MLLT10: variants seen among roughly 807,000 people sequenced by gnomAD.
The protein encoded by MLLT10 is protein AF-10.
Under a neutral mutation model 129.1 loss-of-function variants are expected in MLLT10, and 30 were observed. The ratio of observed to expected loss-of-function variants is 0.23; its 90% CI spans 0.17 to 0.32. The LOEUF (loss-of-function observed/expected upper bound fraction) is 0.32. Among genes scored for constraint, MLLT10 ranks in the 10% least tolerant of loss-of-function variants. MLLT10 has a pLI of 1.00. For synonymous variants in MLLT10, 490 were observed against 446.4 expected (o/e 1.10, Z -1.23); for missense variants, 1,119 against 1,268.3 (o/e 0.88, Z 1.79).
At chr10:21,626,039 T>C (rs2046396715) in intron 8 of MLLT10, 6 of 1,329,026 alleles carry the variant, frequency 4.5e-6, no homozygotes, top group Non-Finnish European at 5.4e-6. Flanking sequence ...CAGAGTATAA[T>C]CATTTCTCTC....
At chr10:21,586,885 CA>C (rs879322427) in intron 4 of MLLT10, among the ~76,000 whole-genome samples, 79 of 131,076 alleles carry the variant, frequency 6.0e-4, no homozygotes, top group Admixed American at 8.4e-4. Context: ...AGACTGTCTC[CA>C]AAAAAAAAAA....
At position 21,573,462 on chromosome 10, in the gene MLLT10, GA is replaced by G. The variant is rs569035344; in HGVS notation, c.241-12831del. Among the ~76,000 whole-genome samples, 28 of 152,264 alleles carry G rather than the reference GA, an allele frequency of 1.8e-4. No homozygotes were observed. In the East Asian group the frequency reaches 5.2e-3, roughly 28 times the overall value. On this transcript the variant is annotated intron_variant, in intron 3 of 22. Transcript: ENST00000307729. Reference sequence around the variant, plus strand: ...TTCCTGAGGGTTTGTGTCATGAATGGATATTGAGTTTTCTCAAAAGCTTTTT... The same window carrying G: ...TTCCTGAGGGTTTGTGTCATGAATGGTATTGAGTTTTCTCAAAAGCTTTTT...
chr10:21,613,391 G>T (rs2044868220), intron 6 of MLLT10, among the ~76,000 whole-genome samples: 1 of 152,084 alleles, frequency 6.6e-6, no homozygotes, highest in Non-Finnish European at 1.5e-5. Flanking sequence ...TGAGTTTTTA[G>T]TGTGTAGTTA....
intron 13 of MLLT10, among the ~76,000 whole-genome samples, chr10:21,712,787 T>C (rs1358509898): frequency 6.6e-6 from 1 of 152,256 alleles, no homozygotes; most frequent in Non-Finnish European, 1.5e-5. Flanking sequence ...TCTCCAGGTA[T>C]TGTGAAATGT....
intron 5 of MLLT10, among the ~76,000 whole-genome samples, chr10:21,601,805 G>T (rs374192701): frequency 8.5e-5 from 13 of 152,270 alleles, no homozygotes; most frequent in East Asian, 7.7e-4. Context: ...CTCCCAAAAT[G>T]CTGGGATTAC....
rs757374887 is a variant in MLLT10 at position 21,742,019 on chromosome 10, G to A, written c.*36G>A. Reference sequence around the variant, plus strand: ...ACATCTAGAAATTGCCTATCCTGCTGTTCTAGCACTTCATCTGGCTGCCTT... The same window carrying A: ...ACATCTAGAAATTGCCTATCCTGCTATTCTAGCACTTCATCTGGCTGCCTT... On this transcript the variant is annotated 3_prime_UTR_variant, in exon 23 of 23. Coordinates refer to ENST00000307729, the MANE Select transcript of MLLT10 (RefSeq NM_001195626.3). The A allele has an allele frequency of 4.6e-5, 74 of 1,600,168 alleles. No homozygotes were observed. Among genetic ancestry groups the A allele is most frequent in the Non-Finnish European group, 6.1e-5 (72 of 1,172,064 alleles).
At chr10:21,624,440 G>GTA (rs61129347) in intron 8 of MLLT10, among the ~76,000 whole-genome samples, 46,801 of 151,928 alleles carry the variant, frequency 0.31, 7,514 homozygotes, top group Middle Eastern at 0.48. Context: ...AAAGGCCTGA[G>GTA]TATATACACA....
At position 21,599,016 on chromosome 10, in the gene MLLT10, A is replaced by G. The variant is rs181729711; in HGVS notation, c.405+3576A>G. Among the ~76,000 whole-genome samples the G allele has an allele frequency of 1.0e-3, 157 of 151,998 alleles. No individual in the cohort carries two copies. In the South Asian group the frequency reaches 0.015, roughly 14 times the overall value. On this transcript the variant is annotated intron_variant, in intron 5 of 22. Coordinates refer to ENST00000307729, the MANE Select transcript of MLLT10 (RefSeq NM_001195626.3). ...AAGATGGCGAAACCCCGTCTCTACTAAAAAATACAAAAATTAGCCGGGTGT... is the reference window on the plus strand; with the variant it reads ...AAGATGGCGAAACCCCGTCTCTACTGAAAAATACAAAAATTAGCCGGGTGT...
intron 8 of MLLT10, among the ~76,000 whole-genome samples, chr10:21,637,674 C>T (rs1413375180): frequency 6.6e-6 from 1 of 152,090 alleles, no homozygotes; most frequent in African/African-American, 2.4e-5. Flanking sequence ...TTTAGGTCAC[C>T]CCTCTGGGAA....
Position 21,713,856 on chromosome 10 carries a change from A to G in MLLT10, c.1784A>G (p.His595Arg). The G allele has an allele frequency of 1.2e-6, 2 of 1,614,064 alleles. No homozygotes were observed. Among genetic ancestry groups the G allele is most frequent in the Non-Finnish European group, 1.7e-6 (2 of 1,179,986 alleles). Residue 595 changes from histidine to arginine, a missense_variant, in exon 14 of 23, where the codon CAC becomes CGC. Around this residue, in one of 5 missense-constraint regions of MLLT10, gnomAD observed 1,004 missense variants for 1,008.7 expected, o/e 1.00. Transcript: ENST00000307729. ...SGSSTPVSSS[H>R]LPQQSSGHLQ... ...TCTAGTACTCCTGTCTCCAGCTCTC[A>G]CTTACCTCAGCAGTCTTCTGGGCAT...
At chr10:21,600,245 A>G (rs986022956) in intron 5 of MLLT10, among the ~76,000 whole-genome samples, 86 of 152,206 alleles carry the variant, frequency 5.7e-4, no homozygotes, top group African/African-American at 2.0e-3. Context: ...ATTATCATGT[A>G]TTTATTTTTC....
intron 8 of MLLT10, among the ~76,000 whole-genome samples, chr10:21,650,910 T>C (rs1395015750): frequency 1.3e-5 from 2 of 152,196 alleles, no homozygotes; most frequent in Non-Finnish European, 1.5e-5. Flanking sequence ...TGCTGGAGTT[T>C]CTGTGCCTCT....
chr10:21,562,810 T>TG lies in MLLT10; in HGVS notation c.241-23484_241-23483insG, dbSNP rs1564416022. On this transcript the variant is annotated intron_variant, in intron 3 of 22. Transcript: ENST00000307729. ...TCATTGCTGACTTACATATACTTTG[T>TG]TTTTTTTGTTTTTTTTTTTTTTTTT... 5.4e-5 allele frequency among the ~76,000 whole-genome samples: 6 copies of TG among 111,920 alleles called. No homozygotes were observed. In the East Asian group the frequency reaches 8.5e-4, roughly 16 times the overall value. The allele number at this position is 111,920 out of a possible 152,430, so 73.4% of individuals were successfully genotyped here. A position where few individuals can be genotyped will look rare whatever the true frequency, so the allele number is the denominator to read the frequency against.
chr10:21,596,439 T>G (rs994696026), intron 5 of MLLT10, among the ~76,000 whole-genome samples: 2 of 152,194 alleles, frequency 1.3e-5, no homozygotes, highest in African/African-American at 2.4e-5. Context: ...GGGCCTAGTT[T>G]GGTGTCTGGC....
intron 8 of MLLT10, among the ~76,000 whole-genome samples, chr10:21,628,646 C>T (rs1307104582): frequency 3.3e-5 from 5 of 150,546 alleles, no homozygotes; most frequent in African/African-American, 7.3e-5. Flanking sequence ...TTTGCCATGT[C>T]GGTCAGGCTG....
At chr10:21,703,256 A>C (rs532984408) in intron 13 of MLLT10, among the ~76,000 whole-genome samples, 24 of 149,916 alleles carry the variant, frequency 1.6e-4, no homozygotes, top group African/African-American at 5.4e-4. Context: ...ATGAAGGATA[A>C]TTTTGCTGTA....
chr10:21,559,170 G>A (rs1368030393), intron 3 of MLLT10, among the ~76,000 whole-genome samples: 2 of 152,110 alleles, frequency 1.3e-5, no homozygotes, highest in Admixed American at 6.6e-5. Context: ...TGCAGCCTCC[G>A]ACTCCTGGAT....
intron 3 of MLLT10, among the ~76,000 whole-genome samples, chr10:21,573,443 A>AAT: frequency 6.6e-6 from 1 of 152,254 alleles, no homozygotes; most frequent in South Asian, 2.1e-4. Context: ...TAGCTTCCTG[A>AAT]GGGTTTGTGT....
At chr10:21,707,604 C>T (rs575198499) in intron 13 of MLLT10, among the ~76,000 whole-genome samples, 1 of 152,160 alleles carries the variant, frequency 6.6e-6, no homozygotes, top group African/African-American at 2.4e-5. Flanking sequence ...GAAATAGCCT[C>T]CTAAAAAAAA....
Sources: allele counts gnomAD v4.1 joint callset (sites outside exome capture counted in the v4.1 genomes callset), GRCh38; gene constraint gnomAD v4.1.1; regional missense constraint gnomAD v4.1.1; transcripts MANE v1.5; gene names NCBI Gene and HGNC (gene_info 2026-07-23, HGNC 2026-07-21).